TET3: variants seen among roughly 807,000 people sequenced by gnomAD.
The protein encoded by TET3 is methylcytosine dioxygenase TET3.
A neutral mutation model predicts 141.4 loss-of-function variants in TET3; 19 were observed. The ratio of observed to expected loss-of-function variants is 0.13; its 90% CI spans 0.09 to 0.20. TET3 has a LOEUF of 0.20. TET3 is among the 10% of genes least tolerant of loss of function. The probability of loss-of-function intolerance (pLI) is 1.00; values close to 1 mark genes in which losing one functional copy is unlikely to be tolerated. For missense variants in TET3, 1,874 were observed against 2,356.9 expected (o/e 0.80, Z 4.24); for synonymous variants, 1,043 against 980.9 (o/e 1.06, Z -1.18).
At chr2:74,082,105 A>T (rs758999418) in intron 6 of TET3, among the ~76,000 whole-genome samples, 1 of 151,926 alleles carries the variant, frequency 6.6e-6, no homozygotes, top group African/African-American at 2.4e-5. Context: ...GGACATAAAA[A>T]TGAAGATCTT....
chr2:74,123,866 C>A, the TET3 span, among the ~76,000 whole-genome samples: 1 of 149,740 alleles, frequency 6.7e-6, no homozygotes, highest in African/African-American at 2.5e-5. Flanking sequence ...CGCCTCTGCC[C>A]CGCCGCCCCG....
chr2:74,033,254 C>T (rs538922924), intron 3 of TET3, among the ~76,000 whole-genome samples: 199 of 152,322 alleles, frequency 1.3e-3, no homozygotes, highest in African/African-American at 4.6e-3. Context: ...TCCTCTATCA[C>T]GCAGAGGATA....
intron 3 of TET3, among the ~76,000 whole-genome samples, chr2:74,007,906 G>A (rs144250614): frequency 3.3e-5 from 5 of 152,282 alleles, no homozygotes; most frequent in African/African-American, 9.6e-5. Context: ...TGCACGTGTG[G>A]CTCAGCACCA....
At position 74,105,600 on chromosome 2, in the gene TET3, T is replaced by G. The variant is rs1691447777; in HGVS notation, c.*3424T>G. On this transcript the variant is annotated 3_prime_UTR_variant, in exon 12 of 12. Coordinates refer to ENST00000409262, the MANE Select transcript of TET3 (RefSeq NM_001287491.2). ...CCTTCTCACCAAGGTGACGATGGTGTGCGTGGAAAGAGATGATACCCCACC... is the reference window on the plus strand; with the variant it reads ...CCTTCTCACCAAGGTGACGATGGTGGGCGTGGAAAGAGATGATACCCCACC... 1 of 390,380 alleles carries G rather than the reference T, an allele frequency of 2.6e-6. No individual in the cohort carries two copies. Among genetic ancestry groups the G allele is most frequent in the Non-Finnish European group, 4.5e-6 (1 of 220,584 alleles). 24.2% of individuals were successfully genotyped at this position (390,380 alleles called of 1,614,324 possible). A position where few individuals can be genotyped will look rare whatever the true frequency, so the allele number is the denominator to read the frequency against.
chr2:74,089,856 G>A, intron 7 of TET3, 41 bp from the exon 8 acceptor site: 1 of 1,609,882 alleles, frequency 6.2e-7, no homozygotes. Flanking sequence ...AGAACGAAGG[G>A]ATATTGCATC....
At chr2:74,063,988 T>G (rs1158094221) in intron 4 of TET3, among the ~76,000 whole-genome samples, 2 of 152,232 alleles carry the variant, frequency 1.3e-5, no homozygotes, top group Admixed American at 1.3e-4. Context: ...CTTCATTTGA[T>G]TACTTTCTAA....
intron 4 of TET3, among the ~76,000 whole-genome samples, chr2:74,051,162 G>C (rs1687921191): frequency 6.6e-6 from 1 of 152,228 alleles, no homozygotes; most frequent in South Asian, 2.1e-4. Flanking sequence ...AGGATGGGAT[G>C]TTGCAAGGGT....
chr2:74,024,834 ATTCTC>A (rs1686243476), intron 3 of TET3, among the ~76,000 whole-genome samples: 1 of 152,194 alleles, frequency 6.6e-6, no homozygotes, highest in Non-Finnish European at 1.5e-5. Flanking sequence ...AGTACAAAGA[ATTCTC>A]TTCACTTGGA....
intron 2 of TET3, among the ~76,000 whole-genome samples, chr2:73,997,022 C>G (rs1684628701): frequency 6.6e-6 from 1 of 152,224 alleles, no homozygotes; most frequent in African/African-American, 2.4e-5. Context: ...CTGTTGTGTC[C>G]TACCTCTACC....
intron 2 of TET3, among the ~76,000 whole-genome samples, chr2:73,996,894 G>C (rs774032532): frequency 3.3e-5 from 5 of 152,248 alleles, no homozygotes; most frequent in Non-Finnish European, 1.5e-5. Flanking sequence ...CTGACCTTCA[G>C]GTGGCCACAG....
At chr2:74,072,448 G>T (rs1689262651) in intron 4 of TET3, among the ~76,000 whole-genome samples, 1 of 151,706 alleles carries the variant, frequency 6.6e-6, no homozygotes, top group Admixed American at 6.6e-5. Flanking sequence ...GGAGGCGGAG[G>T]TTGCAGTGAG....
chr2:74,089,217 A>T (rs777912405), intron 7 of TET3, among the ~76,000 whole-genome samples: 13 of 151,772 alleles, frequency 8.6e-5, no homozygotes, highest in Non-Finnish European at 1.6e-4. Flanking sequence ...CTGTAGGTTT[A>T]CCTCTGTGAG....
intron 3 of TET3, among the ~76,000 whole-genome samples, chr2:74,032,244 G>T (rs933207240): frequency 5.3e-5 from 8 of 152,164 alleles, no homozygotes; most frequent in Admixed American, 2.0e-4. Context: ...GGACTGTGGT[G>T]TTAGCAATGC....
At chr2:74,086,791 T>TAAAAAAAAAAAAA (rs33942081) in intron 6 of TET3, among the ~76,000 whole-genome samples, 1 of 94,056 alleles carries the variant, frequency 1.1e-5, no homozygotes, top group African/African-American at 4.2e-5. Flanking sequence ...ACCCTGACTC[T>TAAAAAAAAAAAAA]AAAAAAAAAA....
intron 3 of TET3, among the ~76,000 whole-genome samples, chr2:74,023,529 C>T (rs1573716292): frequency 6.6e-6 from 1 of 152,214 alleles, no homozygotes. Flanking sequence ...AGGTGTGAGC[C>T]ACAGCGCACA....
intron 3 of TET3, among the ~76,000 whole-genome samples, chr2:74,011,375 C>T (rs1685426782): frequency 6.6e-6 from 1 of 152,240 alleles, no homozygotes; most frequent in African/African-American, 2.4e-5. Context: ...ACCCCGTTCC[C>T]ATTGCCTAGA....
chr2:73,984,042 A>T (rs1020383591), upstream of TET3, among the ~76,000 whole-genome samples: 3 of 152,170 alleles, frequency 2.0e-5, no homozygotes, highest in Non-Finnish European at 4.4e-5. The surrounding 1 kb of genome is among the most constrained non-coding windows in gnomAD (Gnocchi z 5.6). Context: ...CCTGCCCCTT[A>T]CCCCCTGCCT....
rs745864343 is a variant in TET3, at chr2:74,099,522, GAGA to G, written c.3524_3526del (p.Lys1175del). 1.7e-5 allele frequency: 28 copies of G among 1,612,538 alleles called. No individual in the cohort carries two copies. The highest frequency in any genetic ancestry group is 9.3e-5 in the African/African-American group (7 of 74,870). The stretch of plus-strand genomic sequence containing the variant: ...GCTGGAAGCCAGAAAGGCAGCAGCC[GAGA>G]AGAAGAAGATTCAGAAGGAGAAGCT... On this transcript the variant is annotated inframe_deletion, in exon 11 of 12. Coordinates refer to ENST00000409262, the MANE Select transcript of TET3 (RefSeq NM_001287491.2).
chr2:74,126,441 G>A, the TET3 span, among the ~76,000 whole-genome samples: 1 of 151,474 alleles, frequency 6.6e-6, no homozygotes, highest in Non-Finnish European at 1.5e-5. Flanking sequence ...ATTGATCTTA[G>A]ATCTGTGTAG....
Sources: allele counts gnomAD v4.1 joint callset (sites outside exome capture counted in the v4.1 genomes callset), GRCh38; gene constraint gnomAD v4.1.1; non-coding constraint Gnocchi (gnomAD v3.1); transcripts MANE v1.5; gene names NCBI Gene and HGNC (gene_info 2026-07-23, HGNC 2026-07-21).